PTPRG: variants seen among roughly 807,000 people sequenced by gnomAD.
The protein encoded by PTPRG is protein tyrosine phosphatase receptor type G.
In PTPRG, 102 loss-of-function variants were observed where a neutral mutation model predicts 165.3. The ratio of observed to expected loss-of-function variants is 0.62; its 90% CI spans 0.53 to 0.73. The LOEUF is 0.73. PTPRG is among the 30% of genes least tolerant of loss of function. The probability of loss-of-function intolerance (pLI) is 0.00; values close to 1 mark genes in which losing one functional copy is unlikely to be tolerated. For synonymous variants in PTPRG, 675 were observed against 669.5 expected (o/e 1.01, Z -0.13); for missense variants, 1,866 against 1,861.4 (o/e 1.00, Z -0.05).
chr3:61,945,250 C>T (rs991488123), intron 2 of PTPRG, among the ~76,000 whole-genome samples: 5 of 152,078 alleles, frequency 3.3e-5, no homozygotes, highest in African/African-American at 1.2e-4. Context: ...CCTACTGACA[C>T]TGAAAGTCCT....
chr3:62,181,766 TA>T (rs1705660730), intron 8 of PTPRG, among the ~76,000 whole-genome samples: 1 of 152,162 alleles, frequency 6.6e-6, no homozygotes. Context: ...AAAATTGTAC[TA>T]ACTTACCTGC....
chr3:61,742,573 A>AG, intron 1 of PTPRG: 4 of 1,592,950 alleles, frequency 2.5e-6, no homozygotes, highest in Non-Finnish European at 3.4e-6. Context: ...GTTATACACA[A>AG]GCTCATCGGC....
intron 2 of PTPRG, among the ~76,000 whole-genome samples, chr3:61,974,205 A>G (rs1289054623): frequency 1.3e-5 from 2 of 151,872 alleles, no homozygotes; most frequent in Non-Finnish European, 2.9e-5. Context: ...ACAAAGGCCT[A>G]TGGTTTCAAT....
At chr3:62,020,851 T>G (rs2041672746) in intron 4 of PTPRG, among the ~76,000 whole-genome samples, 1 of 151,644 alleles carries the variant, frequency 6.6e-6, no homozygotes, top group Non-Finnish European at 1.5e-5. Flanking sequence ...TTTTGTTTTT[T>G]TTTTTTGGAT....
chr3:62,061,533 A>G (rs1167436471), intron 4 of PTPRG, among the ~76,000 whole-genome samples: 1 of 152,178 alleles, frequency 6.6e-6, no homozygotes, highest in Non-Finnish European at 1.5e-5. Flanking sequence ...TTTATCTATC[A>G]GAGTCTCAAG....
chr3:61,955,355 G>A (rs2040006029), intron 2 of PTPRG, among the ~76,000 whole-genome samples: 1 of 152,094 alleles, frequency 6.6e-6, no homozygotes, highest in African/African-American at 2.4e-5. Flanking sequence ...TGTCCCACAG[G>A]AAGATAAAAA....
chr3:61,660,203 G>A (rs560964481), intron 1 of PTPRG, among the ~76,000 whole-genome samples: 5 of 152,078 alleles, frequency 3.3e-5, no homozygotes, highest in Non-Finnish European at 5.9e-5. Context: ...CCAGCCTGGC[G>A]ACACAGTGAG....
chr3:62,006,758 A>T (rs145505805), intron 4 of PTPRG, among the ~76,000 whole-genome samples: 1 of 152,222 alleles, frequency 6.6e-6, no homozygotes, highest in East Asian at 1.9e-4. Flanking sequence ...TAGAAGTGTT[A>T]TGGTATTACT....
chr3:62,090,514 A>G (rs1033553575), intron 5 of PTPRG, among the ~76,000 whole-genome samples: 1 of 152,158 alleles, frequency 6.6e-6, no homozygotes, highest in Non-Finnish European at 1.5e-5. Flanking sequence ...TGGCTGTCAG[A>G]CCAAAGTTTT....
At chr3:61,816,944 T>C (rs1173993590) in intron 2 of PTPRG, among the ~76,000 whole-genome samples, 1 of 144,430 alleles carries the variant, frequency 6.9e-6, no homozygotes, top group East Asian at 2.0e-4. Flanking sequence ...ATGAAGCTTT[T>C]TGGTAGTACC....
chr3:62,048,466 C>A (rs963091210), intron 4 of PTPRG, among the ~76,000 whole-genome samples: 1 of 152,168 alleles, frequency 6.6e-6, no homozygotes, highest in Non-Finnish European at 1.5e-5. Context: ...GAAAGTAAAT[C>A]CTTCTGTCTG....
At chr3:61,842,697 AAAAAAAG>A (rs1398780964) in intron 2 of PTPRG, among the ~76,000 whole-genome samples, 1 of 141,428 alleles carries the variant, frequency 7.1e-6, no homozygotes, top group Non-Finnish European at 1.6e-5. Flanking sequence ...AAAAAAAAAA[AAAAAAAG>A]AAAAAGAAAA....
intron 2 of PTPRG, among the ~76,000 whole-genome samples, chr3:61,906,430 C>T (rs539611114): frequency 2.0e-5 from 3 of 150,156 alleles, no homozygotes; most frequent in East Asian, 2.0e-4. Flanking sequence ...CATTCCAGCC[C>T]GGGTGACAAT....
chr3:61,720,450 A>G (rs925592946), intron 1 of PTPRG, among the ~76,000 whole-genome samples: 1 of 152,156 alleles, frequency 6.6e-6, no homozygotes, highest in African/African-American at 2.4e-5. Context: ...CTCGTATTTA[A>G]TTGTAACATG....
At chr3:62,104,679 C>G (rs1702411264) in intron 5 of PTPRG, among the ~76,000 whole-genome samples, 1 of 152,176 alleles carries the variant, frequency 6.6e-6, no homozygotes. Flanking sequence ...GCTTAACTCT[C>G]TGCTTCTTCT....
At chr3:61,629,052 G>A (rs1385547331) in intron 1 of PTPRG, among the ~76,000 whole-genome samples, 1 of 152,182 alleles carries the variant, frequency 6.6e-6, no homozygotes, top group Non-Finnish European at 1.5e-5. Context: ...TTTCATTTGG[G>A]AAGTTTAGGG....
chr3:61,661,426 T>G (rs1237332331), intron 1 of PTPRG, among the ~76,000 whole-genome samples: 1 of 152,164 alleles, frequency 6.6e-6, no homozygotes, highest in Admixed American at 6.5e-5. Context: ...TATATGCCCG[T>G]TTTTATGCTG....
At chr3:61,632,318 TACACAC>T (rs3032571) in intron 1 of PTPRG, among the ~76,000 whole-genome samples, 12 of 147,692 alleles carry the variant, frequency 8.1e-5, no homozygotes, top group South Asian at 4.5e-4. Context: ...CACACGCACA[TACACAC>T]ACACACACAC....
At chr3:61,685,220 G>T (rs1243965192) in intron 1 of PTPRG, among the ~76,000 whole-genome samples, 1 of 152,258 alleles carries the variant, frequency 6.6e-6, no homozygotes, top group Non-Finnish European at 1.5e-5. Flanking sequence ...GGCAGGAAGA[G>T]TTCAAGACAA....
Sources: gnomAD v4.1 joint callset for allele counts (sites outside exome capture counted in the v4.1 genomes callset) on GRCh38, gnomAD v4.1.1 for gene constraint, MANE v1.5 for transcripts, NCBI Gene and HGNC (gene_info 2026-07-23, HGNC 2026-07-21) for gene names.